Variants in ATG7 observed in about 807,000 individuals in gnomAD.
The protein encoded by ATG7 is ubiquitin-like modifier-activating enzyme ATG7.
ATG7 carries 70 observed loss-of-function variants against 82.4 expected under a neutral mutation model. That is an observed-to-expected ratio of 0.85 (90% CI 0.70 to 1.04). ATG7 has a LOEUF of 1.04. Ranked by LOEUF, ATG7 falls within the 50% of genes least tolerant of loss-of-function variation. The pLI is 0.00. For missense variants in ATG7, 792 were observed against 864.3 expected, an observed-to-expected ratio of 0.92 and a Z score of 1.05; for synonymous variants, 287 against 313.0, an observed-to-expected ratio of 0.92 and a Z score of 0.88.
intron 20 of ATG7, among the ~76,000 whole-genome samples, chr3:11,470,881 A>G (rs1048787078): frequency 6.6e-6 from 1 of 151,642 alleles, no homozygotes; most frequent in Non-Finnish European, 1.5e-5. Context: ...TTGCCGTATT[A>G]CTCTCGTTCA....
intron 7 of ATG7, among the ~76,000 whole-genome samples, chr3:11,310,760 G>A (rs971668499): frequency 6.6e-6 from 1 of 151,962 alleles, no homozygotes; most frequent in African/African-American, 2.4e-5. Flanking sequence ...AGCCTCCTGA[G>A]TAGCCGGGAC....
chr3:11,308,733 G>A, intron 6 of ATG7: 1 of 532,540 alleles, frequency 1.9e-6, no homozygotes, highest in Non-Finnish European at 3.4e-6. Context: ...TTGCCCCCTC[G>A]GTGCTGAGAT....
At chr3:11,384,441 T>C (rs1214911340) in intron 19 of ATG7, among the ~76,000 whole-genome samples, 1 of 152,214 alleles carries the variant, frequency 6.6e-6, no homozygotes, top group Non-Finnish European at 1.5e-5. Context: ...TAGGTTCTTC[T>C]GTTGATGGGT....
At chr3:11,492,716 C>T (rs1355048160) in intron 20 of ATG7, among the ~76,000 whole-genome samples, 2 of 152,188 alleles carry the variant, frequency 1.3e-5, no homozygotes, top group Non-Finnish European at 2.9e-5. Flanking sequence ...AGGAACTAGC[C>T]GGTCACTTTA....
chr3:11,383,694 C>T (rs183368503), intron 19 of ATG7, among the ~76,000 whole-genome samples: 66 of 152,278 alleles, frequency 4.3e-4, no homozygotes, highest in East Asian at 3.3e-3. Context: ...GTGATCCGCC[C>T]GCCTCAGCCT....
At chr3:11,493,708 G>A (rs2090586626) in intron 20 of ATG7, among the ~76,000 whole-genome samples, 1 of 152,154 alleles carries the variant, frequency 6.6e-6, no homozygotes, top group African/African-American at 2.4e-5. Context: ...TAAATACTTA[G>A]ATACAAAAAA....
chr3:11,362,930 T>G lies in ATG7; in HGVS notation c.1799+2T>G. On this transcript the variant is annotated splice_donor_variant, in intron 17 of 20. Coordinates refer to ENST00000693202, the MANE Select transcript of ATG7 (RefSeq NM_001349232.2). LOFTEE classifies it high-confidence loss of function. Reference sequence around the variant, plus strand: ...ATCTGTTTTGCAGCATCCAGAAGGGTGAGTTTGCTAGTAGGAGATGAGTAT... The same window carrying G: ...ATCTGTTTTGCAGCATCCAGAAGGGGGAGTTTGCTAGTAGGAGATGAGTAT... 3 of 1,612,884 alleles carry G rather than the reference T, an allele frequency of 1.9e-6. No homozygotes were observed. Among genetic ancestry groups the G allele is most frequent in the Non-Finnish European group, 2.5e-6 (3 of 1,179,464 alleles).
intron 20 of ATG7, among the ~76,000 whole-genome samples, chr3:11,490,980 G>T (rs2090287402): frequency 6.6e-6 from 1 of 152,222 alleles, no homozygotes; most frequent in South Asian, 2.1e-4. Flanking sequence ...GAGTATCTTT[G>T]TGGTGTTCTC....
chr3:11,424,004 G>T (rs933931549), intron 19 of ATG7, among the ~76,000 whole-genome samples: 1 of 152,096 alleles, frequency 6.6e-6, no homozygotes, highest in Non-Finnish European at 1.5e-5. Context: ...GGGCCTCAGG[G>T]TCACCACTCT....
intron 3 of ATG7, among the ~76,000 whole-genome samples, chr3:11,291,292 G>T (rs985837936): frequency 6.6e-6 from 1 of 152,150 alleles, no homozygotes; most frequent in Non-Finnish European, 1.5e-5. Context: ...CTCTGGCCAG[G>T]GCCTTTTTGT....
At chr3:11,493,144 T>C (rs1300323415) in intron 20 of ATG7, among the ~76,000 whole-genome samples, 1 of 152,226 alleles carries the variant, frequency 6.6e-6, no homozygotes, top group African/African-American at 2.4e-5. Flanking sequence ...GACAATTTTA[T>C]TGAGTGATGA....
intron 18 of ATG7, among the ~76,000 whole-genome samples, chr3:11,374,768 G>A (rs1466712437): frequency 6.6e-6 from 1 of 151,968 alleles, no homozygotes; most frequent in Non-Finnish European, 1.5e-5. Flanking sequence ...GCCAGGCGTG[G>A]TGGCGGGTGC....
chr3:11,284,238 C>G (rs971615739), intron 3 of ATG7, among the ~76,000 whole-genome samples: 1 of 152,152 alleles, frequency 6.6e-6, no homozygotes, highest in Non-Finnish European at 1.5e-5. Context: ...AAATCCTATA[C>G]TGGCTTGATT....
chr3:11,493,946 T>A (rs2090607936), intron 20 of ATG7, among the ~76,000 whole-genome samples: 1 of 152,178 alleles, frequency 6.6e-6, no homozygotes, highest in Non-Finnish European at 1.5e-5. Flanking sequence ...GGAAACTGTG[T>A]TATAAGAAGC....
At chr3:11,480,677 A>G (rs1334712470) in intron 20 of ATG7, among the ~76,000 whole-genome samples, 1 of 152,222 alleles carries the variant, frequency 6.6e-6, no homozygotes, top group Non-Finnish European at 1.5e-5. Context: ...GAATGTATGC[A>G]GAAGACTTCT....
chr3:11,434,507 C>T (rs940925766), intron 20 of ATG7, among the ~76,000 whole-genome samples: 5 of 152,152 alleles, frequency 3.3e-5, no homozygotes, highest in Non-Finnish European at 5.9e-5. Context: ...GGCCCTCTCT[C>T]CTGAGTGAGG....
At chr3:11,505,167 C>T (rs779343348) in intron 20 of ATG7, among the ~76,000 whole-genome samples, 1 of 152,142 alleles carries the variant, frequency 6.6e-6, no homozygotes, top group Non-Finnish European at 1.5e-5. Flanking sequence ...TATGTTCATA[C>T]ATAATTTTAC....
intron 19 of ATG7, among the ~76,000 whole-genome samples, chr3:11,382,720 T>C (rs1256831225): frequency 6.6e-6 from 1 of 152,244 alleles, no homozygotes; most frequent in Non-Finnish European, 1.5e-5. Context: ...GAATTTCCTG[T>C]AGTGCATTAA....
chr3:11,446,582 A>G, intron 20 of ATG7: 1 of 404,246 alleles, frequency 2.5e-6, no homozygotes, highest in South Asian at 1.8e-5. Flanking sequence ...AAAATGTCAT[A>G]AATGAGCCTT....
Sources: gnomAD v4.1 joint callset for allele counts (sites outside exome capture counted in the v4.1 genomes callset) on GRCh38, gnomAD v4.1.1 for gene constraint, MANE v1.5 for transcripts, NCBI Gene and HGNC (gene_info 2026-07-23, HGNC 2026-07-21) for gene names.